Variants in ITGA2B observed in about 807,000 individuals in gnomAD.
ITGA2B encodes the protein integrin alpha-IIb.
A neutral mutation model predicts 142.0 loss-of-function variants in ITGA2B; 91 were observed. The ratio of observed to expected loss-of-function variants is 0.64; its 90% confidence interval spans 0.54 to 0.76. The LOEUF (loss-of-function observed/expected upper bound fraction) is 0.76, where lower values mean the gene tolerates loss of function less well. Among genes scored for constraint, ITGA2B ranks in the 30% least tolerant of loss-of-function variants. The probability of loss-of-function intolerance (pLI) is 0.00; values close to 1 mark genes in which losing one functional copy is unlikely to be tolerated. For missense variants in ITGA2B, 1,231 were observed against 1,350.8 expected (o/e 0.91, Z 1.39); for synonymous variants, 536 against 567.2 (o/e 0.94, Z 0.78).
chr17:44,376,534 C>G (rs1016658438), intron 22 of ITGA2B, 146 bp from the exon 23 acceptor site: 2 of 727,448 alleles, frequency 2.7e-6, no homozygotes, highest in African/African-American at 3.5e-5. Context: ...GAAAGAACTT[C>G]CTCTAGGGCT....
chr17:44,389,484 C>T lies in ITGA2B; in HGVS notation c.-11G>A. The T allele has an allele frequency of 1.9e-6, 3 of 1,612,744 alleles. No individual in the cohort carries two copies. The highest frequency in any genetic ancestry group is 1.7e-6 in the Non-Finnish European group (2 of 1,179,874). Reference sequence around the variant, plus strand: ...CAAAGCTCTGGCCATCTTCCTTCTTCCACAACCTCCCAGGCAGGAATGGGC... The same window carrying T: ...CAAAGCTCTGGCCATCTTCCTTCTTTCACAACCTCCCAGGCAGGAATGGGC... On this transcript the variant is annotated 5_prime_UTR_variant, in exon 1 of 30. Transcript: ENST00000262407.
Position 44,383,532 on chromosome 17 carries a change from T to C in ITGA2B, c.1171A>G (p.Ile391Val). The change falls in exon 12 of 30, where the codon ATC becomes GTC. Residue 391 changes from isoleucine (I) to valine (V), a missense_variant. Around this residue, in one of 3 missense-constraint regions of ITGA2B, gnomAD observed 908 missense variants for 1,021.1 expected, o/e 0.89. Transcript: ENST00000262407. ...CGGTCGAGGTCGCCCAGGGGTGCGA[T>C]GGCAGAGCCGAATCGCCCATAGAGC... is the stretch of plus-strand genomic sequence containing the variant. ...TQLYGRFGSA[I>V]APLGDLDRDG... 6.2e-7 allele frequency: 1 copy of C among 1,611,310 alleles called. No homozygotes were observed. Among genetic ancestry groups the C allele is most frequent in the Non-Finnish European group, 8.5e-7 (1 of 1,179,946 alleles).
At chr17:44,381,094 T>G (rs375931676) in intron 12 of ITGA2B, 33 bp from the exon 13 acceptor site, 424 of 1,605,150 alleles carry the variant, frequency 2.6e-4, no homozygotes, top group Non-Finnish European at 3.1e-4. Flanking sequence ...AGTGGCTGAT[T>G]GTTATTCAGC....
At chr17:44,377,850 C>T in intron 20 of ITGA2B, 60 bp from the exon 21 acceptor site, 1 of 1,253,682 alleles carries the variant, frequency 8.0e-7, no homozygotes, top group South Asian at 1.2e-5. Flanking sequence ...TATTTAAGCT[C>T]CCTTGGAAGG....
In ITGA2B at chr17:44,384,079, C is replaced by A. The variant is rs1033042371; in HGVS notation, c.945+6G>T. The A allele has an allele frequency of 1.2e-6, 2 of 1,613,742 alleles. No individual in the cohort carries two copies. The highest frequency in any genetic ancestry group is 1.7e-6 in the Non-Finnish European group (2 of 1,179,906). On this transcript the variant is annotated splice_donor_region_variant and intron_variant, in intron 10 of 29. Transcript: ENST00000262407. Reference sequence around the variant, plus strand: ...CCAGCCACGCCCACTGGGACCTGGCCCCCACCTGCTCTCCGCGCAGCCGAT... The same window carrying A: ...CCAGCCACGCCCACTGGGACCTGGCACCCACCTGCTCTCCGCGCAGCCGAT...
At chr17:44,383,438 T>G (rs1226583454) in intron 12 of ITGA2B, 55 bp downstream of exon 12, 1 of 1,532,182 alleles carries the variant, frequency 6.5e-7, no homozygotes, top group African/African-American at 1.4e-5. Context: ...AACTCCATGC[T>G]TTTTGAGTGG....
At chr17:44,385,756 T>C (rs1419747360) in intron 3 of ITGA2B, 40 bp from the exon 4 acceptor site, 3 of 1,613,212 alleles carry the variant, frequency 1.9e-6, no homozygotes, top group East Asian at 2.2e-5. Context: ...GCGCGAGACT[T>C]GGGCTCCTCC....
chr17:44,374,506 G>C (rs1176215781), intron 28 of ITGA2B, 36 bp from the exon 29 acceptor site: 1 of 1,589,886 alleles, frequency 6.3e-7, no homozygotes, highest in South Asian at 1.1e-5. Flanking sequence ...CAGTCACCTT[G>C]ACACCTGCCT....
intron 29 of ITGA2B, among the ~76,000 whole-genome samples, chr17:44,373,164 G>C (rs1405120242): frequency 1.3e-5 from 2 of 151,816 alleles, no homozygotes; most frequent in African/African-American, 4.8e-5. Context: ...CTTTTCTTTT[G>C]AGATGAAATC....
rs1186417459 is a variant in ITGA2B at position 44,378,724 on chromosome 17, T to C, written c.1879-14A>G. 27 of 1,553,204 alleles carry C rather than the reference T, an allele frequency of 1.7e-5. No individual in the cohort carries two copies. Among genetic ancestry groups the C allele is most frequent in the Non-Finnish European group, 2.1e-5 (24 of 1,147,586 alleles). On this transcript the variant is annotated splice_polypyrimidine_tract_variant and intron_variant, in intron 18 of 29. Coordinates refer to ENST00000262407, the MANE Select transcript of ITGA2B (RefSeq NM_000419.5). The stretch of plus-strand genomic sequence containing the variant: ...GACGATTCGTGTCTAGAGGGGCACA[T>C]TGGGGTGTGCGGGTAAGTTGGGGAT...
rs2048660132 is a variant in ITGA2B at position 44,387,541 on chromosome 17, A to G, written c.189-1410T>C. On this transcript the variant is annotated intron_variant, in intron 1 of 29. Transcript: ENST00000262407. ...TCCATCTCAAAAAAAAAGAAGAAAA[A>G]AAGTCTGGGCATGGTGGCTGAAGCC... 2.7e-5 allele frequency among the ~76,000 whole-genome samples: 4 copies of G among 145,668 alleles called. No homozygotes were observed. The South Asian group carries it at 8.7e-4, about 32-fold the overall frequency.
chr17:44,379,926 G>A, intron 17 of ITGA2B, 76 bp downstream of exon 17: 3 of 1,612,834 alleles, frequency 1.9e-6, no homozygotes, highest in Non-Finnish European at 2.5e-6. Context: ...CCAGCTCAGT[G>A]CCCCAGGGCT....
chr17:44,380,537 T>C (rs775358002), intron 14 of ITGA2B, 47 bp from the exon 15 acceptor site: 1 of 1,613,928 alleles, frequency 6.2e-7, no homozygotes, highest in Non-Finnish European at 8.5e-7. Context: ...TGGCTCCTCC[T>C]GGCCTGGCCT....
Position 44,384,082 on chromosome 17 carries a change from C to T in ITGA2B, c.945+3G>A. The T allele has an allele frequency of 1.2e-6, 2 of 1,613,756 alleles. No homozygotes were observed. The highest frequency in any genetic ancestry group is 1.7e-6 in the Non-Finnish European group (2 of 1,179,928). On this transcript the variant is annotated splice_donor_region_variant and intron_variant, in intron 10 of 29. Coordinates refer to ENST00000262407, the MANE Select transcript of ITGA2B (RefSeq NM_000419.5). ...GCCACGCCCACTGGGACCTGGCCCC[C>T]ACCTGCTCTCCGCGCAGCCGATGCA...
intron 6 of ITGA2B, 28 bp downstream of exon 6, chr17:44,385,136 G>T: frequency 1.9e-6 from 3 of 1,614,136 alleles, no homozygotes; most frequent in South Asian, 2.2e-5. Context: ...CCGCGAGAAG[G>T]GAGGGAGGTG....
intron 12 of ITGA2B, among the ~76,000 whole-genome samples, chr17:44,382,573 C>T (rs890079267): frequency 2.0e-5 from 3 of 151,580 alleles, no homozygotes; most frequent in African/African-American, 4.9e-5. Context: ...GCAGTAGTGG[C>T]GCAAGCTCAG....
intron 19 of ITGA2B, 56 bp from the exon 20 acceptor site, chr17:44,378,565 A>G: frequency 6.2e-7 from 1 of 1,606,768 alleles, no homozygotes; most frequent in Non-Finnish European, 8.5e-7. Flanking sequence ...AGGATGTGGG[A>G]AAAGAGGGGA....
intron 26 of ITGA2B, 27 bp from the exon 27 acceptor site, chr17:44,375,138 GC>G: frequency 6.6e-7 from 1 of 1,522,648 alleles, no homozygotes; most frequent in Non-Finnish European, 8.9e-7. Flanking sequence ...TCAGTCCCCA[GC>G]CCGTCCCGGC....
Position 44,377,772 on chromosome 17 carries a change from A to G in ITGA2B, c.2113T>C (p.Cys705Arg), listed in dbSNP as rs77961246. ...GTCTCATTCTCCTTCTTCTGATTAC[A>G]GATGAGTCTCTCAAAGCCCTTCAGG... is the stretch of plus-strand genomic sequence containing the variant. Reference protein sequence around the residue: ...SNVEGFERLICNQKKENETRV... With the variant: ...SNVEGFERLIRNQKKENETRV... The change falls in exon 21 of 30, where the codon TGT becomes CGT. Residue 705 changes from cysteine to arginine, a missense_variant. Cys to Arg is a radical substitution (Grantham distance 180). Transcript: ENST00000262407. The G allele has an allele frequency of 3.1e-6, 5 of 1,613,360 alleles. No individual in the cohort carries two copies. Among genetic ancestry groups the G allele is most frequent in the Non-Finnish European group, 4.2e-6 (5 of 1,179,604 alleles).
Sources: gnomAD v4.1 joint callset for allele counts (sites outside exome capture counted in the v4.1 genomes callset) on GRCh38, gnomAD v4.1.1 for gene constraint, gnomAD v4.1.1 regional missense constraint, MANE v1.5 for transcripts, NCBI Gene and HGNC (gene_info 2026-07-23, HGNC 2026-07-21) for gene names.